Variants in CTNNA3 observed in about 807,000 individuals in gnomAD.
CTNNA3 encodes the protein catenin alpha-3.
Under a neutral mutation model 95.7 loss-of-function variants are expected in CTNNA3, and 76 were observed. The ratio of observed to expected loss-of-function variants is 0.79; its 90% confidence interval spans 0.66 to 0.96. The LOEUF is 0.96. CTNNA3 is among the 40% of genes least tolerant of loss of function. CTNNA3 has a pLI of 0.00. For missense variants in CTNNA3, 1,191 were observed against 1,089.8 expected (o/e 1.09, Z -1.31); for synonymous variants, 431 against 374.4 (o/e 1.15, Z -1.74).
At chr10:66,430,712 G>A (rs1456517767) in intron 11 of CTNNA3, among the ~76,000 whole-genome samples, 2 of 152,162 alleles carry the variant, frequency 1.3e-5, no homozygotes, top group Non-Finnish European at 2.9e-5. Context: ...GTAGAAAGCT[G>A]AAACTGGATC....
intron 9 of CTNNA3, among the ~76,000 whole-genome samples, chr10:66,675,379 G>T (rs1005597143): frequency 6.6e-6 from 1 of 151,212 alleles, no homozygotes; most frequent in Non-Finnish European, 1.5e-5. Context: ...ATGAAGGGAA[G>T]AAAAAAAATG....
intron 7 of CTNNA3, among the ~76,000 whole-genome samples, chr10:66,869,382 T>C (rs991473829): frequency 6.6e-6 from 1 of 151,998 alleles, no homozygotes; most frequent in Non-Finnish European, 1.5e-5. Flanking sequence ...AAGACCAGCC[T>C]GAACAACATG....
chr10:67,480,532 G>A (rs1203540935), intron 5 of CTNNA3, among the ~76,000 whole-genome samples: 1 of 152,200 alleles, frequency 6.6e-6, no homozygotes, highest in Non-Finnish European at 1.5e-5. Context: ...GGCCCACCCA[G>A]GGCAGAAAAC....
At chr10:66,160,865 G>A (rs747988322) in intron 13 of CTNNA3, among the ~76,000 whole-genome samples, 4 of 152,134 alleles carry the variant, frequency 2.6e-5, no homozygotes, top group Non-Finnish European at 5.9e-5. Flanking sequence ...GAGCTCCAAT[G>A]TTAGGTGCAT....
At chr10:67,399,274 G>C (rs987833011) in intron 5 of CTNNA3, among the ~76,000 whole-genome samples, 1 of 152,070 alleles carries the variant, frequency 6.6e-6, no homozygotes, top group African/African-American at 2.4e-5. Context: ...AACTATAAAC[G>C]AATTTGTTAG....
intron 1 of CTNNA3, among the ~76,000 whole-genome samples, chr10:67,676,811 T>TCAA (rs1840543601): frequency 6.6e-6 from 1 of 152,154 alleles, no homozygotes; most frequent in Admixed American, 6.5e-5. Flanking sequence ...ACCCATGCCT[T>TCAA]CAACGTTTTA....
chr10:67,270,726 TAAAGTC>T (rs1838935486), intron 5 of CTNNA3, among the ~76,000 whole-genome samples: 1 of 152,142 alleles, frequency 6.6e-6, no homozygotes, highest in Non-Finnish European at 1.5e-5. Context: ...CAACTTCTAT[TAAAGTC>T]AATACAAGAG....
chr10:67,370,874 T>G lies in CTNNA3; in HGVS notation c.579+150968A>C, dbSNP rs542444717. Among the ~76,000 whole-genome samples, 129 of 150,702 alleles carry G rather than the reference T, an allele frequency of 8.6e-4. 1 individual carries two copies. Among genetic ancestry groups the G allele is most frequent in the African/African-American group, 2.9e-3 (121 of 41,256 alleles). On this transcript the variant is annotated intron_variant, in intron 5 of 17. Coordinates refer to ENST00000433211, the MANE Select transcript of CTNNA3 (RefSeq NM_013266.4). ...GTTAAGAGGAAGTTTTTTTTGTTTT[T>G]TTTTTTTTTTGAGACAGAGTCTCGC...
intron 3 of CTNNA3, among the ~76,000 whole-genome samples, chr10:67,562,801 C>G (rs1841572562): frequency 6.6e-6 from 1 of 152,106 alleles, no homozygotes; most frequent in Admixed American, 6.5e-5. Flanking sequence ...TCTCAGGATA[C>G]AAAATCAATG....
chr10:67,503,521 G>A (rs1369009015), intron 5 of CTNNA3, among the ~76,000 whole-genome samples: 1 of 152,054 alleles, frequency 6.6e-6, no homozygotes, highest in Non-Finnish European at 1.5e-5. Context: ...CTTAATGCCA[G>A]ATATCTTAAA....
intron 6 of CTNNA3, among the ~76,000 whole-genome samples, chr10:67,198,381 C>G (rs10823004): frequency 6.6e-6 from 1 of 151,856 alleles, no homozygotes; most frequent in Non-Finnish European, 1.5e-5. Flanking sequence ...GTCCTTTTCC[C>G]TAACAACTAG....
chr10:67,587,746 A>G (rs570891929), intron 3 of CTNNA3, among the ~76,000 whole-genome samples: 12 of 152,042 alleles, frequency 7.9e-5, no homozygotes, highest in Non-Finnish European at 1.8e-4. Flanking sequence ...GGATATCTAA[A>G]TCTCCTGTTA....
intron 13 of CTNNA3, among the ~76,000 whole-genome samples, chr10:66,125,844 A>G: frequency 6.6e-6 from 1 of 152,244 alleles, no homozygotes; most frequent in East Asian, 1.9e-4. Flanking sequence ...CAATGATTCA[A>G]GGCGAGAGGA....
At chr10:67,596,669 G>T (rs1842939429) in intron 3 of CTNNA3, among the ~76,000 whole-genome samples, 1 of 152,158 alleles carries the variant, frequency 6.6e-6, no homozygotes, top group Admixed American at 6.5e-5. Context: ...CTTTGTAGAT[G>T]ACCTGCCCCT....
intron 7 of CTNNA3, among the ~76,000 whole-genome samples, chr10:66,925,438 G>A (rs1847012801): frequency 6.6e-6 from 1 of 152,028 alleles, no homozygotes; most frequent in Non-Finnish European, 1.5e-5. Context: ...CTAATTAAAA[G>A]AGAATTACAA....
chr10:66,955,011 T>C (rs1848715956), intron 7 of CTNNA3, among the ~76,000 whole-genome samples: 1 of 152,156 alleles, frequency 6.6e-6, no homozygotes, highest in Non-Finnish European at 1.5e-5. Flanking sequence ...TTGGAAAACA[T>C]TGGAGCACAT....
chr10:67,576,500 A>T (rs1842150072), intron 3 of CTNNA3, among the ~76,000 whole-genome samples: 1 of 151,806 alleles, frequency 6.6e-6, no homozygotes, highest in African/African-American at 2.4e-5. Flanking sequence ...AGCTTTCAAA[A>T]ATTAGTAATT....
At chr10:66,271,560 G>T (rs569153420) in intron 13 of CTNNA3, among the ~76,000 whole-genome samples, 1 of 152,226 alleles carries the variant, frequency 6.6e-6, no homozygotes, top group South Asian at 2.1e-4. Flanking sequence ...AAAACTCTAA[G>T]ATTCTGCAAG....
At position 67,060,461 on chromosome 10, in the gene CTNNA3, G is replaced by C. The variant is rs552279344; in HGVS notation, c.1047+119856C>G. Among the ~76,000 whole-genome samples the C allele has an allele frequency of 3.9e-5, 6 of 152,278 alleles. No homozygotes were observed. In the South Asian group the frequency reaches 1.2e-3, roughly 32 times the overall value. On this transcript the variant is annotated intron_variant, in intron 7 of 17. Transcript: ENST00000433211. ...TATACTCAAGTACATAAAAGTAAATGTTTCCAATTGTGGCAGAAATAGCCA... is the reference window on the plus strand; with the variant it reads ...TATACTCAAGTACATAAAAGTAAATCTTTCCAATTGTGGCAGAAATAGCCA...
Sources: allele counts gnomAD v4.1 joint callset (sites outside exome capture counted in the v4.1 genomes callset), GRCh38; gene constraint gnomAD v4.1.1; transcripts MANE v1.5; gene names NCBI Gene and HGNC (gene_info 2026-07-23, HGNC 2026-07-21).